The following FRMPD4 variants were observed in gnomAD, a reference collection of about 807,000 sequenced individuals.
FRMPD4 encodes FERM and PDZ domain-containing protein 4.
FRMPD4 carries 22 observed loss-of-function variants against 94.1 expected under a neutral mutation model. The observed-to-expected ratio is 0.23, with a 90% CI of 0.17 to 0.33. The LOEUF (loss-of-function observed/expected upper bound fraction) is 0.33. Ranked by LOEUF, FRMPD4 falls within the 10% of genes least tolerant of loss-of-function variation. The pLI, the probability that FRMPD4 is intolerant of heterozygous loss-of-function variation, is 1.00. For synonymous variants in FRMPD4, 631 were observed against 548.6 expected (o/e 1.15, Z -2.10); for missense variants, 1,111 against 1,339.9 (o/e 0.83, Z 2.67).
At chrX:12,199,145 C>A (rs1324012478) in intron 1 of FRMPD4, among the ~76,000 whole-genome samples, 9 of 109,941 alleles carry the variant, frequency 8.2e-5, no homozygotes, top group African/African-American at 3.0e-4. Flanking sequence ...AGTATGTGTG[C>A]CTTTTGGTTG....
At chrX:12,507,560 C>T (rs1416258144) in intron 2 of FRMPD4, among the ~76,000 whole-genome samples, 1 of 112,088 alleles carries the variant, frequency 8.9e-6, no homozygotes, top group African/African-American at 3.2e-5. Flanking sequence ...GATAAATTTT[C>T]AAAACCCTCC....
chrX:12,245,401 T>A (rs774639704), intron 1 of FRMPD4, among the ~76,000 whole-genome samples: 1 of 111,141 alleles, frequency 9.0e-6, no homozygotes, highest in South Asian at 3.8e-4. Context: ...TGTTGAGAAG[T>A]GCCAGCAAGT....
intron 1 of FRMPD4, among the ~76,000 whole-genome samples, chrX:12,164,917 T>A (rs1334500740): frequency 1.8e-5 from 2 of 112,342 alleles, no homozygotes; most frequent in Non-Finnish European, 3.8e-5. Flanking sequence ...TCTTGTAAAT[T>A]TGTTTAAGTT....
intron 3 of FRMPD4, among the ~76,000 whole-genome samples, chrX:12,123,123 C>CTTTTTT (rs58251577): frequency 1.1e-4 from 9 of 84,325 alleles, no homozygotes; most frequent in East Asian, 3.9e-4. Flanking sequence ...ATTTTCTTTT[C>CTTTTTT]TTTTTTTTTT....
At chrX:12,073,761 G>T (rs1361097191) in intron 3 of FRMPD4, among the ~76,000 whole-genome samples, 1 of 112,186 alleles carries the variant, frequency 8.9e-6, no homozygotes, top group Admixed American at 9.5e-5. Context: ...TTTAGAAAGG[G>T]GATCTTGCTA....
At chrX:11,879,525 A>G (rs2053802328) in intron 3 of FRMPD4, among the ~76,000 whole-genome samples, 1 of 111,226 alleles carries the variant, frequency 9.0e-6, no homozygotes, top group Non-Finnish European at 1.9e-5. Context: ...GCATCTATCT[A>G]GTAAAAGGTC....
chrX:12,300,475 T>A (rs1490140471), intron 1 of FRMPD4, among the ~76,000 whole-genome samples: 1 of 111,919 alleles, frequency 8.9e-6, no homozygotes, highest in Non-Finnish European at 1.9e-5. Flanking sequence ...TGATGTGGAC[T>A]TCATGCCACT....
chrX:11,987,378 C>T (rs2054437314), intron 3 of FRMPD4, among the ~76,000 whole-genome samples: 1 of 110,817 alleles, frequency 9.0e-6, no homozygotes, highest in Admixed American at 9.6e-5. Context: ...CATTGCTTCA[C>T]AATAAAAGCC....
chrX:12,345,184 G>A (rs1336383839), intron 1 of FRMPD4, among the ~76,000 whole-genome samples: 3 of 106,566 alleles, frequency 2.8e-5, no homozygotes, highest in Non-Finnish European at 5.8e-5. Context: ...ATGGATAGAC[G>A]GATGAATGAG....
intron 2 of FRMPD4, among the ~76,000 whole-genome samples, chrX:12,541,556 T>G (rs1242437318): frequency 5.4e-5 from 6 of 111,479 alleles, no homozygotes; most frequent in Non-Finnish European, 1.9e-5. Context: ...CTTGAATCCC[T>G]GAATAGACCA....
chrX:12,219,471 TAGG>T (rs2056840997), intron 1 of FRMPD4, among the ~76,000 whole-genome samples: 3 of 111,560 alleles, frequency 2.7e-5, no homozygotes, highest in Middle Eastern at 4.6e-3. Context: ...GCAATAAGAG[TAGG>T]AGTTTAGTAT....
At chrX:11,848,822 A>G (rs966485622) in intron 1 of FRMPD4, among the ~76,000 whole-genome samples, 1 of 111,547 alleles carries the variant, frequency 9.0e-6, no homozygotes, top group Non-Finnish European at 1.9e-5. Context: ...TCAACTGACT[A>G]TATTCAATAT....
intron 3 of FRMPD4, among the ~76,000 whole-genome samples, chrX:11,905,340 G>C (rs955004212): frequency 8.9e-6 from 1 of 111,789 alleles, no homozygotes; most frequent in African/African-American, 3.3e-5. Flanking sequence ...AAAATGCTGA[G>C]GATGGCAAAG....
chrX:12,611,203 A>G (rs2059179921), intron 3 of FRMPD4, among the ~76,000 whole-genome samples: 1 of 111,490 alleles, frequency 9.0e-6, no homozygotes, highest in South Asian at 3.8e-4. Flanking sequence ...TTTATTATAT[A>G]TGTATTTATA....
At chrX:12,152,257 A>G (rs2055862978) in intron 1 of FRMPD4, among the ~76,000 whole-genome samples, 1 of 112,228 alleles carries the variant, frequency 8.9e-6, no homozygotes, top group Non-Finnish European at 1.9e-5. Context: ...GCAAATTCAA[A>G]GAAATTCATC....
chrX:12,080,528 T>C (rs1215285013), intron 3 of FRMPD4, among the ~76,000 whole-genome samples: 2 of 112,207 alleles, frequency 1.8e-5, no homozygotes, highest in African/African-American at 6.5e-5. Context: ...TGGATTTCTG[T>C]GAGAAGACAT....
chrX:12,472,891 A>T (rs1390372518), intron 1 of FRMPD4, among the ~76,000 whole-genome samples: 1 of 111,239 alleles, frequency 9.0e-6, no homozygotes, highest in African/African-American at 3.4e-5. Flanking sequence ...AACACTCTGC[A>T]GGATATTATC....
Position 12,547,011 on chromosome X carries a change from T to TAAA in FRMPD4, c.158+48242_158+48244dup, listed in dbSNP as rs57946725. On this transcript the variant is annotated intron_variant, in intron 2 of 16. Transcript: ENST00000675598. ...GGGTGACAGAGCAAGACTGTCTCTT[T>TAAA]AAAAAAAAAAAAAAAAAAAAAAAAA... Among the ~76,000 whole-genome samples, 104 of 33,765 alleles carry TAAA rather than the reference T, an allele frequency of 3.1e-3. 2 individuals carry two copies. The highest frequency in any genetic ancestry group is 0.012 in the African/African-American group (100 of 8,187). The allele number at this position is 33,765 out of a possible 115,157, so 29.3% of individuals were successfully genotyped here. A position where few individuals can be genotyped will look rare whatever the true frequency, so the allele number is the denominator to read the frequency against.
chrX:12,373,851 G>A (rs1042933959), intron 1 of FRMPD4, among the ~76,000 whole-genome samples: 7 of 112,197 alleles, frequency 6.2e-5, no homozygotes, highest in African/African-American at 1.9e-4. Context: ...AAAGCTGTCC[G>A]CTTTCCAAAG....
Sources: gnomAD v4.1 joint callset for allele counts (sites outside exome capture counted in the v4.1 genomes callset) on GRCh38, gnomAD v4.1.1 for gene constraint, MANE v1.5 for transcripts, NCBI Gene and HGNC (gene_info 2026-07-23, HGNC 2026-07-21) for gene names.